The following ADCY5 variants were observed in gnomAD, a reference collection of about 807,000 sequenced individuals.
ADCY5 encodes the protein adenylate cyclase 5, also known as adenylate cyclase type 5.
ADCY5 carries 30 observed loss-of-function variants against 119.7 expected under a neutral mutation model. The ratio of observed to expected loss-of-function variants is 0.25; its 90% CI spans 0.19 to 0.34. The LOEUF is 0.34. ADCY5 is among the 10% of genes least tolerant of loss of function. The pLI, the probability that ADCY5 is intolerant of heterozygous loss-of-function variation, is 1.00. For missense variants in ADCY5, 1,324 were observed against 1,775.2 expected (o/e 0.75, Z 4.57); for synonymous variants, 753 against 762.2 (o/e 0.99, Z 0.20).
intron 8 of ADCY5, among the ~76,000 whole-genome samples, chr3:123,321,646 TGTGGAG>T (rs1941224554): frequency 1.3e-5 from 2 of 152,168 alleles, no homozygotes; most frequent in Non-Finnish European, 2.9e-5. Flanking sequence ...TCCCTGGCAG[TGTGGAG>T]CACTCTGCTG....
Position 123,431,481 on chromosome 3 carries a change from A to C in ADCY5, c.1134+15931T>G, listed in dbSNP as rs115366546. 7.5e-3 allele frequency among the ~76,000 whole-genome samples: 1,143 copies of C among 152,300 alleles called. 16 individuals are homozygous for C. The highest frequency in any genetic ancestry group is 0.026 in the African/African-American group (1,090 of 41,554). On this transcript the variant is annotated intron_variant, in intron 1 of 20. Transcript: ENST00000462833. ...AAATGAGAGAGAGGAGGAAAGAGCTAATAGAGTTAATATTTGACGGATCAA... is the reference window on the plus strand; with the variant it reads ...AAATGAGAGAGAGGAGGAAAGAGCTCATAGAGTTAATATTTGACGGATCAA...
intron 1 of ADCY5, among the ~76,000 whole-genome samples, chr3:123,421,936 C>CA (rs1424636169): frequency 1.1e-4 from 16 of 152,184 alleles, no homozygotes; most frequent in Admixed American, 1.0e-3. Flanking sequence ...GCCAGCCCCT[C>CA]AACTCACGGC....
rs1559860827 is a variant in ADCY5, at chr3:123,396,822, G to GAGAGAGAGAGAC, written c.1135-44242_1135-44241insGTCTCTCTCTCT. Among the ~76,000 whole-genome samples, 172 of 140,730 alleles carry GAGAGAGAGAGAC rather than the reference G, an allele frequency of 1.2e-3. 9 individuals carry two copies. Among genetic ancestry groups the GAGAGAGAGAGAC allele is most frequent in the East Asian group, 0.01 (47 of 4,560 alleles). 92.3% of individuals were successfully genotyped at this position (140,730 alleles called of 152,430 possible). A position where few individuals can be genotyped will look rare whatever the true frequency, so the allele number is the denominator to read the frequency against. ...GGCAGGCAGGCAGGCAGGCAGGCGA[G>GAGAGAGAGAGAC]AGAGAGAGAGAGAGAGAGAGACAGA... On this transcript the variant is annotated intron_variant, in intron 1 of 20. Transcript: ENST00000462833.
At chr3:123,344,067 C>G (rs1410012132) in intron 3 of ADCY5, among the ~76,000 whole-genome samples, 2 of 152,174 alleles carry the variant, frequency 1.3e-5, no homozygotes, top group African/African-American at 2.4e-5. Flanking sequence ...TCCTCAGGGC[C>G]AGGGGAGAAT....
At chr3:123,412,953 G>C (rs1945092724) in intron 1 of ADCY5, among the ~76,000 whole-genome samples, 1 of 152,176 alleles carries the variant, frequency 6.6e-6, no homozygotes, top group South Asian at 2.1e-4. Context: ...CAGCCTGATA[G>C]AGCAGGCGGC....
chr3:123,358,197 G>GTGTGT (rs1189003489), intron 1 of ADCY5, among the ~76,000 whole-genome samples: 1 of 43,826 alleles, frequency 2.3e-5, no homozygotes, highest in Non-Finnish European at 4.7e-5. Context: ...TGTGTGTGTA[G>GTGTGT]GGAGTTGGTG....
chr3:123,413,748 C>A (rs1461897537), intron 1 of ADCY5, among the ~76,000 whole-genome samples: 1 of 152,206 alleles, frequency 6.6e-6, no homozygotes, highest in East Asian at 1.9e-4. Flanking sequence ...GAAAGCAGTT[C>A]ACCTGCCTTT....
chr3:123,401,412 T>C (rs1576668991), intron 1 of ADCY5, among the ~76,000 whole-genome samples: 1 of 152,114 alleles, frequency 6.6e-6, no homozygotes, highest in Admixed American at 6.5e-5. Flanking sequence ...CCCTCTACTT[T>C]AAAAAATGAG....
intron 1 of ADCY5, among the ~76,000 whole-genome samples, chr3:123,366,775 AAAC>A (rs1441026458): frequency 6.6e-6 from 1 of 152,180 alleles, no homozygotes; most frequent in Non-Finnish European, 1.5e-5. Context: ...CTGGATCTGC[AAAC>A]AACAAACATG....
chr3:123,383,706 G>T (rs1944112798), intron 1 of ADCY5, among the ~76,000 whole-genome samples: 1 of 152,122 alleles, frequency 6.6e-6, no homozygotes, highest in Non-Finnish European at 1.5e-5. Flanking sequence ...CAGCTAGGGG[G>T]TTTAAACTAC....
chr3:123,440,416 A>G (rs1429775645), intron 1 of ADCY5, among the ~76,000 whole-genome samples: 1 of 152,186 alleles, frequency 6.6e-6, no homozygotes, highest in African/African-American at 2.4e-5. Context: ...AGGCTAGCCT[A>G]AAGAATAAAG....
At chr3:123,425,293 TG>T (rs1214301222) in intron 1 of ADCY5, among the ~76,000 whole-genome samples, 1 of 152,120 alleles carries the variant, frequency 6.6e-6, no homozygotes, top group Non-Finnish European at 1.5e-5. Flanking sequence ...GACACTCACT[TG>T]GGGGAAAGGG....
At chr3:123,342,230 C>T (rs747965945) in intron 3 of ADCY5, among the ~76,000 whole-genome samples, 1 of 152,204 alleles carries the variant, frequency 6.6e-6, no homozygotes, top group Non-Finnish European at 1.5e-5. Context: ...GTGCACAATC[C>T]GCCCACAGGT....
rs1442803870 is a variant in ADCY5 at position 123,289,781 on chromosome 3, C to A, written c.3501G>T (p.Glu1167Asp). Residue 1167 changes from glutamate to aspartate, a missense_variant, in exon 19 of 21, where the codon GAG becomes GAT. Glu to Asp is a conservative substitution (Grantham distance 45). Around this residue, in one of 6 missense-constraint regions of ADCY5, gnomAD observed 178 missense variants for 329.6 expected, o/e 0.54. Coordinates refer to ENST00000462833, the MANE Select transcript of ADCY5 (RefSeq NM_183357.3). ...TCATCTGGAAGTTGTTGAAGGAGTG[C>A]TCATTGATGTACTTCATCTGGTCCA... ...KLMDQMKYIN[E>D]HSFNNFQMKI... is the part of the protein sequence containing the mutation. The A allele has an allele frequency of 1.2e-6, 2 of 1,614,122 alleles. No individual in the cohort carries two copies. Among genetic ancestry groups the A allele is most frequent in the Admixed American group, 3.3e-5 (2 of 60,024 alleles).
chr3:123,396,021 G>GGAGGGAGGAAGAGAGGGAGGGAGAGAGA, intron 1 of ADCY5, among the ~76,000 whole-genome samples: 1 of 54,122 alleles, frequency 1.8e-5, no homozygotes, highest in Non-Finnish European at 4.0e-5. Flanking sequence ...AAAGAGAGAG[G>GGAGGGAGGAAGAGAGGGAGGGAGAGAGA]GAGGGAGGGA....
intron 1 of ADCY5, among the ~76,000 whole-genome samples, chr3:123,363,439 G>T (rs965664873): frequency 2.0e-5 from 3 of 152,170 alleles, no homozygotes; most frequent in Non-Finnish European, 2.9e-5. Context: ...TTGGCAATAT[G>T]TATGAAGAGC....
chr3:123,293,167 G>A (rs1472620204), intron 17 of ADCY5, among the ~76,000 whole-genome samples: 1 of 152,258 alleles, frequency 6.6e-6, no homozygotes, highest in Non-Finnish European at 1.5e-5. Context: ...TGGAGGAAGG[G>A]ACAAGAGCAG....
intron 16 of ADCY5, among the ~76,000 whole-genome samples, chr3:123,296,796 C>T (rs976753962): frequency 6.6e-6 from 1 of 152,218 alleles, no homozygotes; most frequent in Admixed American, 6.5e-5. Flanking sequence ...GCATTATTGT[C>T]TAATTCTGTT....
chr3:123,430,826 A>G (rs1576692742), intron 1 of ADCY5, among the ~76,000 whole-genome samples: 3 of 151,928 alleles, frequency 2.0e-5, no homozygotes, highest in Non-Finnish European at 2.9e-5. Flanking sequence ...ACAGACCCCA[A>G]CTTCATCTGC....
Sources: allele counts gnomAD v4.1 joint callset (sites outside exome capture counted in the v4.1 genomes callset), GRCh38; gene constraint gnomAD v4.1.1; regional missense constraint gnomAD v4.1.1; transcripts MANE v1.5; gene names NCBI Gene and HGNC (gene_info 2026-07-23, HGNC 2026-07-21).